Variants in KCTD16 observed in about 807,000 individuals in gnomAD.
The protein encoded by KCTD16 is potassium channel tetramerization domain containing 16, also known as BTB/POZ domain-containing protein KCTD16.
A neutral mutation model predicts 33.2 loss-of-function variants in KCTD16; 13 were observed. The observed-to-expected ratio is 0.39, with a 90% CI of 0.25 to 0.62. KCTD16 has a LOEUF of 0.62. Among genes scored for constraint, KCTD16 ranks in the 20% least tolerant of loss-of-function variants. The probability of loss-of-function intolerance (pLI) is 0.50; values close to 1 mark genes in which losing one functional copy is unlikely to be tolerated. For synonymous variants in KCTD16, 197 were observed against 195.3 expected (o/e 1.01, Z -0.07); for missense variants, 441 against 525.1 (o/e 0.84, Z 1.57).
chr5:144,251,810 A>G (rs1194096826), intron 3 of KCTD16, among the ~76,000 whole-genome samples: 2 of 152,184 alleles, frequency 1.3e-5, no homozygotes, highest in African/African-American at 2.4e-5. Flanking sequence ...CTATTCTTGA[A>G]AAGTTAGGTG....
At chr5:144,200,614 A>G (rs1337417825) in intron 2 of KCTD16, among the ~76,000 whole-genome samples, 1 of 152,226 alleles carries the variant, frequency 6.6e-6, no homozygotes, top group Non-Finnish European at 1.5e-5. Flanking sequence ...TTTTATAGAT[A>G]TGGAAGCAGA....
At chr5:144,435,642 A>G (rs10035476) in intron 3 of KCTD16, among the ~76,000 whole-genome samples, 2,649 of 152,314 alleles carry the variant, frequency 0.017, 74 homozygotes, top group African/African-American at 0.056. Flanking sequence ...AAGGACCTAT[A>G]TATTTAAAAT....
intron 3 of KCTD16, among the ~76,000 whole-genome samples, chr5:144,269,579 C>CTA (rs1755239460): frequency 6.6e-6 from 1 of 152,024 alleles, no homozygotes. Flanking sequence ...TAGACCCGCC[C>CTA]TGCAAGAAAT....
chr5:144,324,290 A>G (rs1191230137), intron 3 of KCTD16, among the ~76,000 whole-genome samples: 1 of 152,130 alleles, frequency 6.6e-6, no homozygotes. Flanking sequence ...TGATAATTCT[A>G]TTTACCAGCA....
At chr5:144,332,055 C>G (rs1752375468) in intron 3 of KCTD16, among the ~76,000 whole-genome samples, 1 of 152,098 alleles carries the variant, frequency 6.6e-6, no homozygotes, top group Admixed American at 6.6e-5. Context: ...CAAAAGACAA[C>G]AGATTAAAGC....
intron 3 of KCTD16, among the ~76,000 whole-genome samples, chr5:144,357,806 GT>G (rs1751606364): frequency 6.6e-6 from 1 of 152,072 alleles, no homozygotes. Flanking sequence ...CCTAGGAAAG[GT>G]ATTATTTTCT....
At chr5:144,443,999 G>A (rs1392405946) in intron 3 of KCTD16, among the ~76,000 whole-genome samples, 2 of 151,928 alleles carry the variant, frequency 1.3e-5, no homozygotes, top group African/African-American at 4.8e-5. Context: ...GTGTAATAGG[G>A]TATTCCAGGA....
At chr5:144,228,362 A>C (rs1349316089) in intron 3 of KCTD16, among the ~76,000 whole-genome samples, 1 of 152,234 alleles carries the variant, frequency 6.6e-6, no homozygotes, top group East Asian at 1.9e-4. Context: ...TACTGCTGAA[A>C]GAGTAAATTC....
At chr5:144,331,542 T>C (rs970874357) in intron 3 of KCTD16, among the ~76,000 whole-genome samples, 2 of 152,190 alleles carry the variant, frequency 1.3e-5, no homozygotes, top group African/African-American at 4.8e-5. Context: ...AGTTGACAGC[T>C]GTCAAACAAT....
intron 3 of KCTD16, among the ~76,000 whole-genome samples, chr5:144,326,489 A>G (rs957591521): frequency 6.6e-6 from 1 of 152,168 alleles, no homozygotes; most frequent in Non-Finnish European, 1.5e-5. Context: ...ATGAAACTCC[A>G]CTCAATCTGT....
intron 3 of KCTD16, among the ~76,000 whole-genome samples, chr5:144,211,340 T>A (rs1230758599): frequency 6.6e-6 from 1 of 152,124 alleles, no homozygotes; most frequent in Non-Finnish European, 1.5e-5. Context: ...GCCTTTTTTT[T>A]CTCCTGGCTA....
intron 3 of KCTD16, among the ~76,000 whole-genome samples, chr5:144,335,008 G>C (rs1261178067): frequency 6.6e-6 from 1 of 151,924 alleles, no homozygotes; most frequent in Non-Finnish European, 1.5e-5. Context: ...TCTAACTCCT[G>C]AGCTCAAACG....
chr5:144,432,741 T>C (rs1461409401), intron 3 of KCTD16, among the ~76,000 whole-genome samples: 1 of 152,134 alleles, frequency 6.6e-6, no homozygotes, highest in East Asian at 1.9e-4. Context: ...AATTTTATTA[T>C]TTCTTCTGTG....
chr5:144,301,830 G>T (rs1751451670), intron 3 of KCTD16, among the ~76,000 whole-genome samples: 1 of 152,114 alleles, frequency 6.6e-6, no homozygotes, highest in South Asian at 2.1e-4. Context: ...TGATGTTTTA[G>T]ATACTTTTAG....
chr5:144,174,184 T>C (rs1752454914), intron 1 of KCTD16, 123 bp from the exon 2 acceptor site: 1 of 152,242 alleles, frequency 6.6e-6, no homozygotes, highest in African/African-American at 2.4e-5. Flanking sequence ...TAGACAGTCA[T>C]GTTAGTATAC....
intron 3 of KCTD16, among the ~76,000 whole-genome samples, chr5:144,321,421 T>G (rs10515539): frequency 0.11 from 15,975 of 152,136 alleles, 2,121 homozygotes; most frequent in African/African-American, 0.31. Context: ...GAACCCTAGA[T>G]TTTGGTAATT....
At position 144,485,019 on chromosome 5, in the gene KCTD16, TC is replaced by T. The variant is rs1336366864; in HGVS notation, c.*10906del. 1 of 151,936 alleles carries T rather than the reference TC, an allele frequency of 6.6e-6. No homozygotes were observed. Among genetic ancestry groups the T allele is most frequent in the Non-Finnish European group, 1.5e-5 (1 of 67,912 alleles). 9.4% of individuals were successfully genotyped at this position (151,936 alleles called of 1,614,324 possible). ...GAATGCATGTCTACATGTCGTCAGT[TC>T]TCAGCAGCTCAGTTATTCAGCAAAA... On this transcript the variant is annotated 3_prime_UTR_variant, in exon 4 of 4. Transcript: ENST00000512467.
chr5:144,264,304 T>G (rs73312719), intron 3 of KCTD16, among the ~76,000 whole-genome samples: 182 of 152,354 alleles, frequency 1.2e-3, no homozygotes, highest in African/African-American at 3.9e-3. Context: ...CACAGTATTA[T>G]AATTCAGGGA....
chr5:144,267,509 C>A (rs749562016), intron 3 of KCTD16, among the ~76,000 whole-genome samples: 1 of 152,162 alleles, frequency 6.6e-6, no homozygotes, highest in Admixed American at 6.5e-5. Flanking sequence ...AGGCAAGCAG[C>A]AAATATTAAT....
Sources: gnomAD v4.1 joint callset for allele counts (sites outside exome capture counted in the v4.1 genomes callset) on GRCh38, gnomAD v4.1.1 for gene constraint, MANE v1.5 for transcripts, NCBI Gene and HGNC (gene_info 2026-07-23, HGNC 2026-07-21) for gene names.